LCK: variants seen among roughly 807,000 people sequenced by gnomAD.
The protein encoded by LCK is tyrosine-protein kinase Lck.
Under a neutral mutation model 64.6 loss-of-function variants are expected in LCK, and 14 were observed. The ratio of observed to expected loss-of-function variants is 0.22; its 90% CI spans 0.14 to 0.34. The LOEUF is 0.34. Among genes scored for constraint, LCK ranks in the 10% least tolerant of loss-of-function variants. The pLI is 1.00. For missense variants in LCK, 434 were observed against 668.1 expected (o/e 0.65, Z 3.86); for synonymous variants, 277 against 263.6 (o/e 1.05, Z -0.49).
At position 32,251,894 on chromosome 1, in the gene LCK, A is replaced by AAGAGAGAGAG. The variant is rs4012161; in HGVS notation, c.-6+557_-6+566dup. Reference sequence around the variant, plus strand: ...CCCCAGTGACAAGAATCTCCTGAGAAAGAGAGAGAGAGAGAGAGAGAGAGA... The same window carrying AAGAGAGAGAG: ...CCCCAGTGACAAGAATCTCCTGAGAAAGAGAGAGAGAGAGAGAGAGAGAGAGAGAGAGAGA... On this transcript the variant is annotated intron_variant, in intron 1 of 12. Transcript: ENST00000336890. The surrounding 1 kb of genome is among the most constrained non-coding windows in gnomAD (Gnocchi z 4.0). Among the ~76,000 whole-genome samples the AAGAGAGAGAG allele has an allele frequency of 7.3e-4, 96 of 132,336 alleles. No individual in the cohort carries two copies. Among genetic ancestry groups the AAGAGAGAGAG allele is most frequent in the African/African-American group, 1.8e-3 (62 of 35,240 alleles). 86.8% of individuals were successfully genotyped at this position (132,336 alleles called of 152,430 possible).
intron 11 of LCK, 38 bp downstream of exon 11, chr1:32,280,032 G>A (rs779121191): frequency 6.2e-7 from 1 of 1,613,866 alleles, no homozygotes; most frequent in East Asian, 2.2e-5. Context: ...GGCCCTGCAG[G>A]GTCTGGCCAA....
At position 32,275,398 on chromosome 1, in the gene LCK, C is replaced by A. The variant is rs757043274; in HGVS notation, c.356C>A (p.Ala119Glu). Reference sequence around the variant, plus strand: ...ATCCCCTTCAATTTTGTGGCCAAAGCGAACAGCCTGGAGCCCGAACCGTAA... The same window carrying A: ...ATCCCCTTCAATTTTGTGGCCAAAGAGAACAGCCTGGAGCCCGAACCGTAA... ...GFIPFNFVAK[A>E]NSLEPEPWFF... Residue 119 changes from alanine to glutamate, a missense_variant, in exon 5 of 13, where the codon GCG becomes GAG. This residue lies in a region of LCK where 233 missense variants were observed against 291.2 expected (regional missense o/e 0.80). Transcript: ENST00000336890. The surrounding 1 kb of genome is among the most constrained non-coding windows in gnomAD (Gnocchi z 6.9). The A allele has an allele frequency of 1.2e-6, 2 of 1,614,060 alleles. No homozygotes were observed. Among genetic ancestry groups the A allele is most frequent in the Non-Finnish European group, 1.7e-6 (2 of 1,180,010 alleles).
At chr1:32,258,427 G>A (rs1263333175) in intron 1 of LCK, among the ~76,000 whole-genome samples, 1 of 149,650 alleles carries the variant, frequency 6.7e-6, no homozygotes, top group Non-Finnish European at 1.5e-5. Flanking sequence ...ACAATCATGT[G>A]CTGTACTACT....
chr1:32,281,419 T>C (rs1183849868), intron 12 of LCK, among the ~76,000 whole-genome samples: 2 of 145,778 alleles, frequency 1.4e-5, no homozygotes, highest in Non-Finnish European at 1.5e-5. Context: ...ATGATTGTTC[T>C]ATTGCACTCC....
At chr1:32,282,694 C>G (rs1214816986) in intron 12 of LCK, among the ~76,000 whole-genome samples, 1 of 151,860 alleles carries the variant, frequency 6.6e-6, no homozygotes, top group African/African-American at 2.4e-5. Flanking sequence ...TAGTCCCAGC[C>G]ACTCAAGAGG....
At position 32,275,709 on chromosome 1, in the gene LCK, C is replaced by T. The variant is rs1640243474; in HGVS notation, c.481+37C>T. ...GCGGTCTCGACCGGGCGCGGGGGTG[C>T]CCCGGGGTGTGCCCGAGGGGGGGCG... On this transcript the variant is annotated intron_variant, in intron 6 of 12. Coordinates refer to ENST00000336890, the MANE Select transcript of LCK (RefSeq NM_005356.5). This position sits in a 1 kb window ranked among gnomAD's most constrained non-coding sequence, Gnocchi z 6.9. 3.3e-6 allele frequency: 5 copies of T among 1,522,990 alleles called. No homozygotes were observed. The highest frequency in any genetic ancestry group is 2.4e-5 in the East Asian group (1 of 41,590). 94.3% of individuals were successfully genotyped at this position (1,522,990 alleles called of 1,614,324 possible). A position where few individuals can be genotyped will look rare whatever the true frequency, so the allele number is the denominator to read the frequency against.
chr1:32,277,805 C>T (rs1229372830), intron 9 of LCK, among the ~76,000 whole-genome samples: 2 of 152,070 alleles, frequency 1.3e-5, no homozygotes, highest in African/African-American at 4.8e-5. Context: ...CCATGGTTTC[C>T]TACTATAATA....
At chr1:32,263,183 G>C (rs1416946196) in intron 1 of LCK, among the ~76,000 whole-genome samples, 3 of 151,816 alleles carry the variant, frequency 2.0e-5, no homozygotes, top group South Asian at 2.1e-4. Flanking sequence ...CTTGAGGTTG[G>C]GAGTTCGAGA....
At chr1:32,262,049 A>C (rs1352643723) in intron 1 of LCK, among the ~76,000 whole-genome samples, 1 of 148,908 alleles carries the variant, frequency 6.7e-6, no homozygotes, top group Non-Finnish European at 1.5e-5. Flanking sequence ...ACACCCAGAT[A>C]ATCTTTGTAT....
At chr1:32,260,672 G>A (rs1348258411) in intron 1 of LCK, among the ~76,000 whole-genome samples, 1 of 152,140 alleles carries the variant, frequency 6.6e-6, no homozygotes, top group East Asian at 1.9e-4. Context: ...CCCCAGGCTA[G>A]AGTACAGTGG....
chr1:32,263,959 C>T (rs1639849934), intron 1 of LCK, among the ~76,000 whole-genome samples: 1 of 151,904 alleles, frequency 6.6e-6, no homozygotes, highest in Admixed American at 6.6e-5. Flanking sequence ...GGTATACCCA[C>T]ATTTTGTATA....
Position 32,276,252 on chromosome 1 carries a change from G to A in LCK, c.632-85G>A, listed in dbSNP as rs1311788826. 1.3e-6 allele frequency: 2 copies of A among 1,502,524 alleles called. No individual in the cohort carries two copies. The highest frequency in any genetic ancestry group is 2.1e-5 in the Admixed American group (1 of 46,650). 93.1% of individuals were successfully genotyped at this position (1,502,524 alleles called of 1,614,324 possible). A position where few individuals can be genotyped will look rare whatever the true frequency, so the allele number is the denominator to read the frequency against. ...CCCCCTTGCTAGTCCACTTCACCTA[G>A]ATGGGGGCTTGGAGAAGTGGGGGAG... On this transcript the variant is annotated intron_variant, in intron 7 of 12. Coordinates refer to ENST00000336890, the MANE Select transcript of LCK (RefSeq NM_005356.5). This position sits in a 1 kb window ranked among gnomAD's most constrained non-coding sequence, Gnocchi z 4.6.
intron 1 of LCK, among the ~76,000 whole-genome samples, chr1:32,268,835 G>C (rs932446001): frequency 6.8e-6 from 1 of 146,900 alleles, no homozygotes; most frequent in Non-Finnish European, 1.5e-5. Context: ...AAAAAGAAAA[G>C]AAAAGAAACA....
chr1:32,280,342 C>A, intron 12 of LCK, 132 bp downstream of exon 12: 1 of 1,136,174 alleles, frequency 8.8e-7, no homozygotes. Flanking sequence ...GGTATGAGTC[C>A]AACGTCCCCA....
chr1:32,268,269 T>C (rs1639982014), intron 1 of LCK, among the ~76,000 whole-genome samples: 1 of 152,050 alleles, frequency 6.6e-6, no homozygotes, highest in Non-Finnish European at 1.5e-5. Context: ...TGGCAGTATG[T>C]TGGGCTTCTT....
rs4012161 is a variant in LCK at position 32,251,894 on chromosome 1, A to AAGAGAG, written c.-6+561_-6+566dup. On this transcript the variant is annotated intron_variant, in intron 1 of 12. Transcript: ENST00000336890. The surrounding 1 kb of genome is among the most constrained non-coding windows in gnomAD (Gnocchi z 4.0). The stretch of plus-strand genomic sequence containing the variant: ...CCCCAGTGACAAGAATCTCCTGAGA[A>AAGAGAG]AGAGAGAGAGAGAGAGAGAGAGAGA... 7.3e-3 allele frequency among the ~76,000 whole-genome samples: 972 copies of AAGAGAG among 132,322 alleles called. 8 individuals carry two copies. Among genetic ancestry groups the AAGAGAG allele is most frequent in the African/African-American group, 0.012 (408 of 35,238 alleles). 86.8% of individuals were successfully genotyped at this position (132,322 alleles called of 152,430 possible).
intron 1 of LCK, among the ~76,000 whole-genome samples, chr1:32,262,617 T>G: frequency 6.7e-6 from 1 of 150,100 alleles, no homozygotes. Flanking sequence ...AGAGACGGGG[T>G]TTCACCATGT....
chr1:32,263,446 T>A (rs868012465), intron 1 of LCK, among the ~76,000 whole-genome samples: 68 of 136,860 alleles, frequency 5.0e-4, no homozygotes, highest in Middle Eastern at 3.7e-3. Flanking sequence ...AATAAATAAA[T>A]AAAAATTAGA....
intron 1 of LCK, among the ~76,000 whole-genome samples, chr1:32,262,390 A>G (rs911742464): frequency 4.1e-5 from 6 of 147,842 alleles, no homozygotes; most frequent in African/African-American, 9.8e-5. Context: ...AATCCCAGCT[A>G]CTTGGGAGGC....
Sources: allele counts gnomAD v4.1 joint callset (sites outside exome capture counted in the v4.1 genomes callset), GRCh38; gene constraint gnomAD v4.1.1; regional missense constraint gnomAD v4.1.1; non-coding constraint Gnocchi (gnomAD v3.1); transcripts MANE v1.5; gene names NCBI Gene and HGNC (gene_info 2026-07-23, HGNC 2026-07-21).